The following ST3GAL5 variants were observed in gnomAD, a reference collection of about 807,000 sequenced individuals.
ST3GAL5 encodes the protein ST3 beta-galactoside alpha-2,3-sialyltransferase 5.
A neutral mutation model predicts 46.1 loss-of-function variants in ST3GAL5; 25 were observed. The observed-to-expected ratio is 0.54, with a 90% CI of 0.40 to 0.76. The LOEUF (loss-of-function observed/expected upper bound fraction) is 0.76. Ranked by LOEUF, ST3GAL5 falls within the 30% of genes least tolerant of loss-of-function variation. The pLI is 0.00. For missense variants in ST3GAL5, 431 were observed against 521.2 expected (o/e 0.83, Z 1.69); for synonymous variants, 182 against 192.7 (o/e 0.94, Z 0.46).
At chr2:85,852,452 T>C (rs1457993753) in intron 3 of ST3GAL5, among the ~76,000 whole-genome samples, 1 of 152,190 alleles carries the variant, frequency 6.6e-6, no homozygotes, top group Non-Finnish European at 1.5e-5. Flanking sequence ...TATTGACATA[T>C]TTTACTCACA....
chr2:85,888,968 G>C lies in ST3GAL5; in HGVS notation c.-63C>G. On this transcript the variant is annotated 5_prime_UTR_variant, in exon 1 of 7. Coordinates refer to ENST00000638572, the MANE Select transcript of ST3GAL5 (RefSeq NM_003896.4). ...CCCCGCGCCCCCACCCGCCCCCAGC[G>C]CCGCTCTCGCGCCCATTCAGCTGGG... 1 of 1,204,226 alleles carries C rather than the reference G, an allele frequency of 8.3e-7. No individual in the cohort carries two copies. The allele number at this position is 1,204,226 out of a possible 1,614,324, so 74.6% of individuals were successfully genotyped here.
chr2:85,859,619 GT>G (rs1272405602), intron 3 of ST3GAL5, among the ~76,000 whole-genome samples: 5 of 152,186 alleles, frequency 3.3e-5, no homozygotes, highest in African/African-American at 1.2e-4. Flanking sequence ...AGACTCAATA[GT>G]TTTGCAGGAG....
At chr2:85,877,192 A>T (rs1261966745) in intron 1 of ST3GAL5, among the ~76,000 whole-genome samples, 1 of 152,262 alleles carries the variant, frequency 6.6e-6, no homozygotes, top group Non-Finnish European at 1.5e-5. Context: ...TTAGGAAATT[A>T]ACACTGATTC....
intron 4 of ST3GAL5, chr2:85,847,284 C>G (rs1414828746): frequency 2.4e-6 from 2 of 832,784 alleles, no homozygotes; most frequent in Non-Finnish European, 2.9e-6. Context: ...GCTGTGTCCT[C>G]TTCTTGCCCC....
At chr2:85,881,821 C>G (rs1009537054) in intron 1 of ST3GAL5, among the ~76,000 whole-genome samples, 2 of 152,228 alleles carry the variant, frequency 1.3e-5, no homozygotes, top group African/African-American at 4.8e-5. Flanking sequence ...GGGAGAAATT[C>G]AAGCCAGCTG....
upstream of ST3GAL5, chr2:85,889,030 G>T: frequency 7.5e-6 from 5 of 670,730 alleles, no homozygotes; most frequent in Non-Finnish European, 8.1e-6. Context: ...GAGGAGGGGC[G>T]CGTGGGCGGG....
At position 85,840,237 on chromosome 2, in the gene ST3GAL5, C is replaced by T. The variant is rs950472318; in HGVS notation, c.1164G>A (p.Met388Ile). Residue 388 changes from methionine (M) to isoleucine (I), a missense_variant, in exon 7 of 7, where the codon ATG becomes ATA. By Grantham distance (10) the Met-to-Ile change is conservative. Coordinates refer to ENST00000638572, the MANE Select transcript of ST3GAL5 (RefSeq NM_003896.4). The stretch of plus-strand genomic sequence containing the variant: ...ACTTGGTTTCCGTTGTCACATTATG[C>T]ATGGTCTGAAAGTTCATAGCAGCCA... ...QCMAAMNFQTMHNVTTETKFL... is the reference protein window; with the variant it reads ...QCMAAMNFQTIHNVTTETKFL... 5 of 1,614,152 alleles carry T rather than the reference C, an allele frequency of 3.1e-6. No individual in the cohort carries two copies. Among genetic ancestry groups the T allele is most frequent in the Non-Finnish European group, 4.2e-6 (5 of 1,180,030 alleles).
At chr2:85,842,396 T>C (rs1217949606) in intron 6 of ST3GAL5, among the ~76,000 whole-genome samples, 4 of 152,026 alleles carry the variant, frequency 2.6e-5, no homozygotes, top group African/African-American at 9.7e-5. Context: ...TGGAGAGAAC[T>C]AAAAAACCGA....
intron 4 of ST3GAL5, chr2:85,846,776 T>C: frequency 3.6e-6 from 2 of 555,920 alleles, no homozygotes; most frequent in Non-Finnish European, 6.4e-6. Flanking sequence ...ATCTAATCCC[T>C]GAATGTCAAG....
At position 85,863,370 on chromosome 2, in the gene ST3GAL5, G is replaced by A. The variant is rs948201976; in HGVS notation, c.198C>T (p.Asp66=). 1.4e-5 allele frequency: 22 copies of A among 1,614,044 alleles called. No homozygotes were observed. Among genetic ancestry groups the A allele is most frequent in the Non-Finnish European group, 1.9e-5 (22 of 1,180,036 alleles). The change falls in exon 2 of 7, where the codon GAC becomes GAT. Residue 66 remains aspartate, a synonymous_variant. Transcript: ENST00000638572. The part of the protein sequence containing the change: ...KMRRPSLLLK[D]ILKCTLLVFG... ...CCAGGGGCGGTACTTACTTGAGGAT[G>A]TCTTTTAATAACAAGCTGGGCCTTC... is the stretch of plus-strand genomic sequence containing the variant.
intron 1 of ST3GAL5, among the ~76,000 whole-genome samples, chr2:85,864,627 C>A (rs1255123207): frequency 6.6e-6 from 1 of 150,964 alleles, no homozygotes; most frequent in East Asian, 1.9e-4. Context: ...TTTAAAAACA[C>A]TTTTCTTAAA....
intron 6 of ST3GAL5, among the ~76,000 whole-genome samples, chr2:85,842,101 T>C (rs1260177844): frequency 6.6e-6 from 1 of 152,220 alleles, no homozygotes. Flanking sequence ...AGGGAACATC[T>C]ACTGAAGCCA....
intron 5 of ST3GAL5, chr2:85,845,260 G>C (rs564356641): frequency 3.3e-5 from 5 of 153,568 alleles, no homozygotes; most frequent in African/African-American, 1.2e-4. Flanking sequence ...CTCCTCCATA[G>C]CTGCCCTTCT....
intron 2 of ST3GAL5, among the ~76,000 whole-genome samples, chr2:85,861,913 C>T (rs1044526986): frequency 2.0e-5 from 3 of 151,890 alleles, no homozygotes; most frequent in Non-Finnish European, 4.4e-5. Context: ...TCCAGTGACA[C>T]AAACCGCAAG....
intron 3 of ST3GAL5, among the ~76,000 whole-genome samples, chr2:85,859,224 T>C (rs1684469516): frequency 6.6e-6 from 1 of 152,082 alleles, no homozygotes; most frequent in African/African-American, 2.4e-5. Flanking sequence ...TTACAGTTGG[T>C]CAGATGGTAA....
At chr2:85,842,072 C>A (rs916919429) in intron 6 of ST3GAL5, among the ~76,000 whole-genome samples, 15 of 152,144 alleles carry the variant, frequency 9.9e-5, no homozygotes, top group African/African-American at 1.9e-4. Flanking sequence ...CTCCAGAGTT[C>A]ACAGATTCAG....
At chr2:85,851,966 G>C (rs1457570423) in intron 3 of ST3GAL5, among the ~76,000 whole-genome samples, 1 of 152,240 alleles carries the variant, frequency 6.6e-6, no homozygotes, top group African/African-American at 2.4e-5. Flanking sequence ...ACATCTGGTA[G>C]TGCCAATTGT....
intron 3 of ST3GAL5, among the ~76,000 whole-genome samples, chr2:85,859,255 C>A (rs1684474483): frequency 6.6e-6 from 1 of 152,078 alleles, no homozygotes; most frequent in Non-Finnish European, 1.5e-5. Flanking sequence ...AAAGAGGATG[C>A]AAAGAGAAAG....
chr2:85,850,191 CT>C (rs35707118), intron 3 of ST3GAL5: 26,500 of 152,114 alleles, frequency 0.17, 2,832 homozygotes, highest in South Asian at 0.34. Context: ...GAAAAAGGAA[CT>C]GATATTCTTG....
Sources: gnomAD v4.1 joint callset for allele counts (sites outside exome capture counted in the v4.1 genomes callset) on GRCh38, gnomAD v4.1.1 for gene constraint, MANE v1.5 for transcripts, NCBI Gene and HGNC (gene_info 2026-07-23, HGNC 2026-07-21) for gene names.